Variants in LRRC7 observed in about 807,000 individuals in gnomAD.
LRRC7 encodes leucine rich repeat containing 7.
LRRC7 carries 23 observed loss-of-function variants against 175.7 expected under a neutral mutation model. The ratio of observed to expected loss-of-function variants is 0.13; its 90% CI spans 0.09 to 0.19. The LOEUF is 0.19. LRRC7 is among the 10% of genes least tolerant of loss of function. The pLI is 1.00. For synonymous variants in LRRC7, 685 were observed against 680.9 expected, an observed-to-expected ratio of 1.01 and a Z score of -0.09; for missense variants, 1,354 against 1,904.7, an observed-to-expected ratio of 0.71 and a Z score of 5.38.
Position 70,132,115 on chromosome 1 carries a change from A to G in LRRC7, c.*10228A>G, listed in dbSNP as rs1313735307. 1 of 152,222 alleles carries G rather than the reference A, an allele frequency of 6.6e-6. No individual in the cohort carries two copies. Among genetic ancestry groups the G allele is most frequent in the Non-Finnish European group, 1.5e-5 (1 of 68,068 alleles). The allele number at this position is 152,222 out of a possible 1,614,324, so 9.4% of individuals were successfully genotyped here. ...GATAAAAGAAATCAGATTCAGGCATATCCTCCAGTCTCTTCGTTCTGGTGA... is the reference window on the plus strand; with the variant it reads ...GATAAAAGAAATCAGATTCAGGCATGTCCTCCAGTCTCTTCGTTCTGGTGA... On this transcript the variant is annotated 3_prime_UTR_variant, in exon 27 of 27. Coordinates refer to ENST00000651989, the MANE Select transcript of LRRC7 (RefSeq NM_001370785.2).
intron 8 of LRRC7, among the ~76,000 whole-genome samples, chr1:69,948,505 A>G (rs749008850): frequency 2.0e-5 from 3 of 152,144 alleles, no homozygotes; most frequent in Non-Finnish European, 2.9e-5. Flanking sequence ...TAGGCACTCA[A>G]GCAGAGTGCT....
chr1:69,591,330 AG>A (rs1646625586), intron 1 of LRRC7, among the ~76,000 whole-genome samples: 1 of 152,120 alleles, frequency 6.6e-6, no homozygotes. Flanking sequence ...TGTTCATATC[AG>A]TATCTAAAGT....
chr1:69,997,882 C>T (rs561772687), intron 11 of LRRC7, among the ~76,000 whole-genome samples: 1 of 152,244 alleles, frequency 6.6e-6, no homozygotes. Flanking sequence ...TGTATCTCTG[C>T]CCGGCTTTGG....
chr1:69,737,149 C>T (rs991020127), intron 2 of LRRC7, among the ~76,000 whole-genome samples: 3 of 152,110 alleles, frequency 2.0e-5, no homozygotes, highest in Admixed American at 6.6e-5. Context: ...ATTAGACAAA[C>T]TCTGTGATAT....
At chr1:69,800,854 G>T (rs1676395099) in intron 4 of LRRC7, among the ~76,000 whole-genome samples, 1 of 151,692 alleles carries the variant, frequency 6.6e-6, no homozygotes, top group Non-Finnish European at 1.5e-5. Flanking sequence ...AATTCATTGT[G>T]GTGTTGGCTG....
intron 1 of LRRC7, among the ~76,000 whole-genome samples, chr1:69,615,892 C>T (rs765304946): frequency 3.3e-4 from 50 of 151,968 alleles, no homozygotes; most frequent in Non-Finnish European, 6.5e-4. Flanking sequence ...TATGGCTAAA[C>T]CCCCCACTTA....
At chr1:69,996,027 A>C (rs1654925981) in intron 11 of LRRC7, among the ~76,000 whole-genome samples, 1 of 150,102 alleles carries the variant, frequency 6.7e-6, no homozygotes, top group Non-Finnish European at 1.5e-5. Flanking sequence ...CCAACAGTGT[A>C]AAAGTGTTCC....
intron 24 of LRRC7, among the ~76,000 whole-genome samples, chr1:70,076,961 A>G (rs1364726796): frequency 6.6e-6 from 1 of 152,184 alleles, no homozygotes; most frequent in Non-Finnish European, 1.5e-5. Flanking sequence ...CTATTGAACT[A>G]TATTAATCTT....
intron 7 of LRRC7, among the ~76,000 whole-genome samples, chr1:69,846,318 G>A (rs1056352270): frequency 6.6e-6 from 1 of 152,082 alleles, no homozygotes; most frequent in Non-Finnish European, 1.5e-5. Context: ...GGTTAGCTAA[G>A]GCTGTGGCGA....
At chr1:69,927,838 C>T (rs1647136211) in intron 7 of LRRC7, among the ~76,000 whole-genome samples, 1 of 152,100 alleles carries the variant, frequency 6.6e-6, no homozygotes, top group African/African-American at 2.4e-5. Flanking sequence ...CAGCTTTGTT[C>T]CATTGCTGGT....
chr1:69,844,798 A>G (rs975316286), intron 7 of LRRC7, among the ~76,000 whole-genome samples: 3 of 152,174 alleles, frequency 2.0e-5, no homozygotes, highest in Admixed American at 2.0e-4. Flanking sequence ...TAGGAGCTGT[A>G]CCATTTTCCA....
At chr1:69,625,107 AAG>A (rs1368820922) in intron 1 of LRRC7, among the ~76,000 whole-genome samples, 1 of 151,960 alleles carries the variant, frequency 6.6e-6, no homozygotes, top group Non-Finnish European at 1.5e-5. Context: ...TTCATTTCTA[AAG>A]CCGTCTGAGC....
intron 2 of LRRC7, among the ~76,000 whole-genome samples, chr1:69,681,973 C>T (rs1660547117): frequency 6.6e-6 from 1 of 152,170 alleles, no homozygotes; most frequent in Non-Finnish European, 1.5e-5. Flanking sequence ...TTCGCTGCTT[C>T]AGTTCTCACT....
In LRRC7 at chr1:70,019,134, T is replaced by C. The variant is rs113720119; in HGVS notation, c.1420+316T>C. The stretch of plus-strand genomic sequence containing the variant: ...AAAGCAGATCTGGTAACCAGCTAAT[T>C]GAAATGAGCTAAGAGCAGTCAGATC... On this transcript the variant is annotated intron_variant, in intron 15 of 26. Transcript: ENST00000651989. Among the ~76,000 whole-genome samples, 20 of 152,118 alleles carry C rather than the reference T, an allele frequency of 1.3e-4. 1 individual carries two copies. Among genetic ancestry groups the C allele is most frequent in the African/African-American group, 4.6e-4 (19 of 41,572 alleles).
chr1:70,115,719 C>G (rs1369482505), intron 26 of LRRC7, among the ~76,000 whole-genome samples: 3 of 151,994 alleles, frequency 2.0e-5, no homozygotes, highest in Non-Finnish European at 2.9e-5. Flanking sequence ...TTATACAGAG[C>G]AGGAACAAAG....
chr1:70,114,454 G>A (rs1665721550), intron 26 of LRRC7, among the ~76,000 whole-genome samples: 1 of 152,174 alleles, frequency 6.6e-6, no homozygotes, highest in Non-Finnish European at 1.5e-5. Flanking sequence ...GCTTGAGGCA[G>A]AGGCAGGAGG....
At chr1:69,722,496 C>T (rs1379013815) in intron 2 of LRRC7, among the ~76,000 whole-genome samples, 1 of 151,906 alleles carries the variant, frequency 6.6e-6, no homozygotes, top group East Asian at 1.9e-4. Context: ...AAATTTTTGC[C>T]AGTATCCATA....
At chr1:70,115,266 G>A (rs1665775381) in intron 26 of LRRC7, among the ~76,000 whole-genome samples, 1 of 152,184 alleles carries the variant, frequency 6.6e-6, no homozygotes, top group South Asian at 2.1e-4. Flanking sequence ...ACCAATTGCT[G>A]GGCAGATGTC....
chr1:70,025,136 T>C (rs1657950323), intron 17 of LRRC7, among the ~76,000 whole-genome samples: 1 of 152,004 alleles, frequency 6.6e-6, no homozygotes, highest in Non-Finnish European at 1.5e-5. Flanking sequence ...GTTACTTACA[T>C]GGTCTGAGCC....
Sources: allele counts gnomAD v4.1 joint callset (sites outside exome capture counted in the v4.1 genomes callset), GRCh38; gene constraint gnomAD v4.1.1; transcripts MANE v1.5; gene names NCBI Gene and HGNC (gene_info 2026-07-23, HGNC 2026-07-21).